Variants in TRPM3 observed in about 807,000 individuals in gnomAD.
TRPM3 encodes transient receptor potential cation channel subfamily M member 3, also known as long transient receptor potential channel 3.
In TRPM3, 77 loss-of-function variants were observed where a neutral mutation model predicts 181.2. That is an observed-to-expected ratio of 0.42 (90% CI 0.35 to 0.51). The LOEUF is 0.51. Among genes scored for constraint, TRPM3 ranks in the 20% least tolerant of loss-of-function variants. TRPM3 has a pLI of 0.01. For synonymous variants in TRPM3, 745 were observed against 796.4 expected, an observed-to-expected ratio of 0.94 and a Z score of 1.09; for missense variants, 1,759 against 2,196.7, an observed-to-expected ratio of 0.80 and a Z score of 3.98.
intron 1 of TRPM3, among the ~76,000 whole-genome samples, chr9:71,117,920 C>T (rs1049629832): frequency 5.9e-5 from 9 of 152,154 alleles, no homozygotes; most frequent in African/African-American, 2.2e-4. Flanking sequence ...AGAAAGCTCT[C>T]TGCCCTAAAA....
intron 1 of TRPM3, among the ~76,000 whole-genome samples, chr9:71,218,162 C>T (rs187904455): frequency 2.0e-4 from 30 of 152,230 alleles, no homozygotes; most frequent in African/African-American, 7.0e-4. Context: ...TCTAACTTTC[C>T]CTATCCACAC....
intron 6 of TRPM3, among the ~76,000 whole-genome samples, chr9:70,803,662 G>T (rs1198948530): frequency 6.6e-6 from 1 of 151,838 alleles, no homozygotes; most frequent in Non-Finnish European, 1.5e-5. Flanking sequence ...GTGTTAGCCA[G>T]GATGGTCTCG....
At chr9:70,745,977 T>A (rs548445528) in intron 8 of TRPM3, among the ~76,000 whole-genome samples, 35 of 152,328 alleles carry the variant, frequency 2.3e-4, no homozygotes, top group African/African-American at 8.2e-4. Context: ...ATATGTAGAA[T>A]AATTGTAGTT....
At chr9:71,258,636 A>T (rs2082830590) in intron 1 of TRPM3, among the ~76,000 whole-genome samples, 1 of 152,200 alleles carries the variant, frequency 6.6e-6, no homozygotes, top group African/African-American at 2.4e-5. Context: ...AAAGATACTA[A>T]TACATTAAAT....
At chr9:70,920,968 A>G (rs1802801670) in intron 1 of TRPM3, among the ~76,000 whole-genome samples, 1 of 152,146 alleles carries the variant, frequency 6.6e-6, no homozygotes, top group Non-Finnish European at 1.5e-5. Context: ...ACAAATATAC[A>G]TATTTTCCTT....
chr9:71,018,274 AG>A (rs1408479219), intron 1 of TRPM3, among the ~76,000 whole-genome samples: 2 of 151,722 alleles, frequency 1.3e-5, no homozygotes, highest in African/African-American at 4.8e-5. Context: ...TCAAGAAGCT[AG>A]GGGAAAAAAA....
chr9:71,283,593 A>G (rs1008695380), intron 1 of TRPM3, among the ~76,000 whole-genome samples: 69 of 152,206 alleles, frequency 4.5e-4, no homozygotes, highest in African/African-American at 1.5e-3. Flanking sequence ...ATGAGCCACC[A>G]TGTCCGGCCT....
rs571401464 is a variant in TRPM3, at chr9:71,273,326, A to G, written c.183+173327T>C. On this transcript the variant is annotated intron_variant, in intron 1 of 24. Transcript: ENST00000357533. ...AACAGTGAAGAACCACAGCAAAGCC[A>G]TAATTACTGCAAATAATTTTGACAA... 8.5e-5 allele frequency among the ~76,000 whole-genome samples: 13 copies of G among 152,348 alleles called. No homozygotes were observed. In the East Asian group the frequency reaches 1.2e-3, roughly 14 times the overall value.
chr9:70,782,111 CA>C (rs1398941566), intron 7 of TRPM3, among the ~76,000 whole-genome samples: 1 of 151,364 alleles, frequency 6.6e-6, no homozygotes, highest in African/African-American at 2.4e-5. Flanking sequence ...AGAAAAAAGC[CA>C]AAGCTAAAAT....
At chr9:71,425,146 T>A (rs890447847) in intron 1 of TRPM3, among the ~76,000 whole-genome samples, 3 of 152,152 alleles carry the variant, frequency 2.0e-5, no homozygotes, top group African/African-American at 4.8e-5. Flanking sequence ...TTCTACTAAA[T>A]AAATCCACAA....
chr9:71,368,536 A>C (rs1472881415), intron 1 of TRPM3, among the ~76,000 whole-genome samples: 2 of 152,064 alleles, frequency 1.3e-5, no homozygotes, highest in Admixed American at 1.3e-4. Flanking sequence ...CCTATTTGCC[A>C]AGCAGAGATC....
At chr9:71,331,939 GAGA>G (rs1452043732) in intron 1 of TRPM3, among the ~76,000 whole-genome samples, 1 of 129,750 alleles carries the variant, frequency 7.7e-6, no homozygotes, top group African/African-American at 2.9e-5. Context: ...GAAGGTGAAG[GAGA>G]AGAAGAGAAA....
chr9:70,622,040 G>C (rs770403997), intron 14 of TRPM3, among the ~76,000 whole-genome samples: 8 of 152,110 alleles, frequency 5.3e-5, no homozygotes, highest in African/African-American at 9.7e-5. Context: ...ATGGTATTAG[G>C]GGGGACACTT....
At chr9:70,864,182 T>C (rs1447365077) in intron 2 of TRPM3, among the ~76,000 whole-genome samples, 1 of 152,090 alleles carries the variant, frequency 6.6e-6, no homozygotes, top group East Asian at 1.9e-4. Context: ...AATCCACTGT[T>C]ATATACAGTG....
intron 19 of TRPM3, among the ~76,000 whole-genome samples, chr9:70,609,719 G>A (rs1255299052): frequency 1.3e-5 from 2 of 152,224 alleles, no homozygotes; most frequent in Admixed American, 1.3e-4. Flanking sequence ...AGGACCACGT[G>A]AAAAGCACCT....
At chr9:71,371,131 T>C (rs2092497353) in intron 1 of TRPM3, among the ~76,000 whole-genome samples, 1 of 152,188 alleles carries the variant, frequency 6.6e-6, no homozygotes, top group South Asian at 2.1e-4. Flanking sequence ...TCAAGAGCTC[T>C]GATGGAGATG....
At chr9:70,923,901 CACACACACATATATACATAT>C (rs1467884207) in intron 1 of TRPM3, among the ~76,000 whole-genome samples, 2 of 143,362 alleles carry the variant, frequency 1.4e-5, no homozygotes, top group Non-Finnish European at 3.1e-5. Context: ...TATATACATA[CACACACACATATATACATAT>C]ATACACACAT....
Position 70,856,893 on chromosome 9 carries a change from T to C in TRPM3, c.462+6015A>G, listed in dbSNP as rs573849949. ...GGCCCACAAGTCAGCTCAGCATTAA[T>C]TGGAAGAGATGACTAGTAAGAAAAT... On this transcript the variant is annotated intron_variant, in intron 3 of 25. Coordinates refer to ENST00000677713, the MANE Select transcript of TRPM3 (RefSeq NM_001366145.2). Among the ~76,000 whole-genome samples the C allele has an allele frequency of 3.9e-5, 6 of 152,272 alleles. No homozygotes were observed. In the East Asian group the frequency reaches 7.7e-4, roughly 20 times the overall value.
intron 1 of TRPM3, among the ~76,000 whole-genome samples, chr9:70,891,012 G>A (rs1247821257): frequency 6.6e-6 from 1 of 151,964 alleles, no homozygotes; most frequent in Non-Finnish European, 1.5e-5. Context: ...CACACTCCGG[G>A]GCCTGTCGTG....
Sources: allele counts gnomAD v4.1 joint callset (sites outside exome capture counted in the v4.1 genomes callset), GRCh38; gene constraint gnomAD v4.1.1; transcripts MANE v1.5; gene names NCBI Gene and HGNC (gene_info 2026-07-23, HGNC 2026-07-21).